The following EPS8 variants were observed in gnomAD, a reference collection of about 807,000 sequenced individuals.
EPS8 encodes EGFR pathway substrate 8, signaling adaptor, also known as epidermal growth factor receptor kinase substrate 8.
EPS8 carries 42 observed loss-of-function variants against 103.8 expected under a neutral mutation model. The observed-to-expected ratio is 0.40, with a 90% CI of 0.32 to 0.52. The LOEUF (loss-of-function observed/expected upper bound fraction) is 0.52, where lower values mean the gene tolerates loss of function less well. EPS8 is among the 20% of genes least tolerant of loss of function. EPS8 has a pLI of 0.40. For missense variants in EPS8, 969 were observed against 1,005.1 expected, an observed-to-expected ratio of 0.96 and a Z score of 0.49; for synonymous variants, 344 against 344.6, an observed-to-expected ratio of 1.00 and a Z score of 0.02.
At chr12:15,629,397 G>C (rs1263633272) in intron 18 of EPS8, among the ~76,000 whole-genome samples, 4 of 152,188 alleles carry the variant, frequency 2.6e-5, no homozygotes, top group African/African-American at 9.7e-5. Flanking sequence ...TCTACGGAGG[G>C]AAATGCTATA....
Position 15,640,746 on chromosome 12 carries a change from G to A in EPS8, c.1778C>T (p.Ser593Phe), listed in dbSNP as rs748572901. The change falls in exon 17 of 21, where the codon TCT becomes TTT. Residue 593 changes from serine to phenylalanine, a missense_variant. Ser to Phe is a radical substitution (Grantham distance 155). Transcript: ENST00000281172. ...NILDIVRPPE[S>F]GLGRADPPYT... ...AGGTGGATCAGCACGCCCCAATCCAGATTCTGGAGGTCTCACAATATCCAA... is the reference window on the plus strand; with the variant it reads ...AGGTGGATCAGCACGCCCCAATCCAAATTCTGGAGGTCTCACAATATCCAA... 3.1e-6 allele frequency: 5 copies of A among 1,613,984 alleles called. No homozygotes were observed.
At position 15,701,202 on chromosome 12, in the gene EPS8, T is replaced by C. The variant is rs1422361438; in HGVS notation, c.-21-18230A>G. Among the ~76,000 whole-genome samples, 1 of 152,228 alleles carries C rather than the reference T, an allele frequency of 6.6e-6. No individual in the cohort carries two copies. The highest frequency in any genetic ancestry group is 1.9e-4 in the East Asian group (1 of 5,202). On this transcript the variant is annotated intron_variant, in intron 1 of 20. Coordinates refer to ENST00000281172, the MANE Select transcript of EPS8 (RefSeq NM_004447.6). The surrounding 1 kb of genome is among the most constrained non-coding windows in gnomAD (Gnocchi z 5.1). ...AATAATTTACAAAAACAATAACACT[T>C]ATTAAATCCATATATGTGTCAAACG...
At chr12:15,756,822 G>C (rs1946990766) in intron 1 of EPS8, among the ~76,000 whole-genome samples, 1 of 152,022 alleles carries the variant, frequency 6.6e-6, no homozygotes, top group African/African-American at 2.4e-5. Context: ...CTAAACTACA[G>C]GACTAACAGA....
chr12:15,626,882 C>T (rs1944956372), intron 18 of EPS8, among the ~76,000 whole-genome samples: 1 of 152,152 alleles, frequency 6.6e-6, no homozygotes, highest in Non-Finnish European at 1.5e-5. Context: ...TACTCCTCCC[C>T]ACCTTTCTAT....
intron 1 of EPS8, among the ~76,000 whole-genome samples, chr12:15,712,159 T>C (rs1764791844): frequency 6.6e-6 from 1 of 152,198 alleles, no homozygotes; most frequent in Admixed American, 6.5e-5. Flanking sequence ...TAAAATTGAA[T>C]ATTTTGAAAG....
chr12:15,740,166 G>T (rs570437195), intron 1 of EPS8, among the ~76,000 whole-genome samples: 1 of 152,188 alleles, frequency 6.6e-6, no homozygotes, highest in East Asian at 1.9e-4. Flanking sequence ...ATTGCATAAA[G>T]GACCAAATCT....
intron 1 of EPS8, among the ~76,000 whole-genome samples, chr12:15,715,782 C>G (rs1028395429): frequency 6.6e-6 from 1 of 151,996 alleles, no homozygotes; most frequent in African/African-American, 2.4e-5. Flanking sequence ...AGCCACCATG[C>G]CTGGCCCCCA....
intron 3 of EPS8, among the ~76,000 whole-genome samples, chr12:15,680,030 T>C (rs1945977366): frequency 6.6e-6 from 1 of 152,138 alleles, no homozygotes; most frequent in Non-Finnish European, 1.5e-5. Flanking sequence ...TTGAATACAT[T>C]CTCTAGATCT....
rs989754871 is a variant in EPS8 at position 15,735,033 on chromosome 12, G to A, written c.-21-52061C>T. 1.6e-4 allele frequency among the ~76,000 whole-genome samples: 24 copies of A among 152,254 alleles called. No homozygotes were observed. The highest frequency in any genetic ancestry group is 4.8e-4 in the African/African-American group (20 of 41,542). ...ACAGGGAGCTCCGAATGCCTAGCCT[G>A]GAACCCTCACCACGACTTCACACTA... On this transcript the variant is annotated intron_variant, in intron 1 of 20. Transcript: ENST00000281172. The surrounding 1 kb of genome is among the most constrained non-coding windows in gnomAD (Gnocchi z 4.4).
intron 1 of EPS8, among the ~76,000 whole-genome samples, chr12:15,743,633 A>G (rs555405947): frequency 6.6e-6 from 1 of 152,340 alleles, no homozygotes; most frequent in Non-Finnish European, 1.5e-5. Context: ...CTGATCTTTG[A>G]CAAACCTGAC....
chr12:15,657,256 T>C (rs1199657881), intron 12 of EPS8, among the ~76,000 whole-genome samples: 3 of 152,206 alleles, frequency 2.0e-5, no homozygotes, highest in Non-Finnish European at 4.4e-5. Flanking sequence ...AATTCTCTTC[T>C]TTCAGGGATC....
chr12:15,638,412 C>A (rs1022788687), intron 17 of EPS8, among the ~76,000 whole-genome samples: 8 of 152,050 alleles, frequency 5.3e-5, no homozygotes, highest in Non-Finnish European at 1.0e-4. Context: ...TTTTGTTGAG[C>A]TCAGCCCAAA....
Position 15,640,954 on chromosome 12 carries a change from T to C in EPS8, c.1678-108A>G, listed in dbSNP as rs987954751. 56 of 881,132 alleles carry C rather than the reference T, an allele frequency of 6.4e-5. No individual in the cohort carries two copies. The Middle Eastern group carries it at 1.2e-3, about 18-fold the overall frequency. The allele number at this position is 881,132 out of a possible 1,614,324, so 54.6% of individuals were successfully genotyped here. A position where few individuals can be genotyped will look rare whatever the true frequency, so the allele number is the denominator to read the frequency against. ...AATTTTTCTACTTCTGATAATTAAC[T>C]CAGCATCAACATAGTGTTGATTGAA... On this transcript the variant is annotated intron_variant, in intron 16 of 20. Coordinates refer to ENST00000281172, the MANE Select transcript of EPS8 (RefSeq NM_004447.6).
Position 15,697,593 on chromosome 12 carries a change from T to TA in EPS8, c.-21-14622dup, listed in dbSNP as rs1946259869. 6.6e-6 allele frequency among the ~76,000 whole-genome samples: 1 copy of TA among 152,208 alleles called. No individual in the cohort carries two copies. The highest frequency in any genetic ancestry group is 1.5e-5 in the Non-Finnish European group (1 of 68,036). On this transcript the variant is annotated intron_variant, in intron 1 of 20. Coordinates refer to ENST00000281172, the MANE Select transcript of EPS8 (RefSeq NM_004447.6). This position sits in a 1 kb window ranked among gnomAD's most constrained non-coding sequence, Gnocchi z 5.6. ...GAGGTAATTAATAGTAGATGTGGGATAAAATTCAACCACTTTGCCACATAG... is the reference window on the plus strand; with the variant it reads ...GAGGTAATTAATAGTAGATGTGGGATAAAAATTCAACCACTTTGCCACATAG...
At chr12:15,707,666 G>A (rs1591880492) in intron 1 of EPS8, among the ~76,000 whole-genome samples, 1 of 152,106 alleles carries the variant, frequency 6.6e-6, no homozygotes, top group Non-Finnish European at 1.5e-5. Context: ...TACTACTAGT[G>A]ATTTATGCTC....
At position 15,748,436 on chromosome 12, in the gene EPS8, C is replaced by G. The variant is rs1946897272; in HGVS notation, c.-22+40725G>C. ...CCTCAATAATATCAATTTTCTAAGT[C>G]TGGGTTTTTACACATCTTGTTTTTT... On this transcript the variant is annotated intron_variant, in intron 1 of 20. Coordinates refer to ENST00000281172, the MANE Select transcript of EPS8 (RefSeq NM_004447.6). This position sits in a 1 kb window ranked among gnomAD's most constrained non-coding sequence, Gnocchi z 4.8. Among the ~76,000 whole-genome samples the G allele has an allele frequency of 6.6e-6, 1 of 151,950 alleles. No homozygotes were observed. The highest frequency in any genetic ancestry group is 1.5e-5 in the Non-Finnish European group (1 of 68,002).
At chr12:15,622,705 G>A (rs1051524700) in intron 20 of EPS8, among the ~76,000 whole-genome samples, 8 of 151,406 alleles carry the variant, frequency 5.3e-5, no homozygotes, top group East Asian at 1.9e-4. Context: ...TATCTTTCCC[G>A]ATTATTGAGA....
chr12:15,714,902 A>T lies in EPS8; in HGVS notation c.-21-31930T>A, dbSNP rs190993912. Among the ~76,000 whole-genome samples, 2 of 152,206 alleles carry T rather than the reference A, an allele frequency of 1.3e-5. No homozygotes were observed. The highest frequency in any genetic ancestry group is 3.9e-4 in the East Asian group (2 of 5,172). Reference sequence around the variant, plus strand: ...TCTACATCCACTTTTGTTCTCTACCATCTCTCAAGCTCCTGACCACTGTAT... The same window carrying T: ...TCTACATCCACTTTTGTTCTCTACCTTCTCTCAAGCTCCTGACCACTGTAT... On this transcript the variant is annotated intron_variant, in intron 1 of 20. Transcript: ENST00000281172. The surrounding 1 kb of genome is among the most constrained non-coding windows in gnomAD (Gnocchi z 4.1).
At chr12:15,658,819 C>T (rs1315953298) in intron 10 of EPS8, among the ~76,000 whole-genome samples, 1 of 152,160 alleles carries the variant, frequency 6.6e-6, no homozygotes, top group Non-Finnish European at 1.5e-5. Flanking sequence ...CATAAACATA[C>T]ATTGTAGCCT....
Sources: allele counts gnomAD v4.1 joint callset (sites outside exome capture counted in the v4.1 genomes callset), GRCh38; gene constraint gnomAD v4.1.1; non-coding constraint Gnocchi (gnomAD v3.1); transcripts MANE v1.5; gene names NCBI Gene and HGNC (gene_info 2026-07-23, HGNC 2026-07-21).